Variants in GLRX observed in about 807,000 individuals in gnomAD.
GLRX encodes the protein glutaredoxin, also known as glutaredoxin-1.
In GLRX, 9 loss-of-function variants were observed where a neutral mutation model predicts 11.1. That is an observed-to-expected ratio of 0.81 (90% CI 0.49 to 1.42). The LOEUF is 1.42. GLRX is among the 40% of genes most tolerant of loss of function. The pLI is 0.00. For missense variants in GLRX, 102 were observed against 126.2 expected (o/e 0.81, Z 0.92); for synonymous variants, 49 against 49.5 (o/e 0.99, Z 0.04).
intron 1 of GLRX, 158 bp downstream of exon 1, chr5:95,822,298 G>A (rs886700635): frequency 1.6e-6 from 1 of 626,146 alleles, no homozygotes; most frequent in Non-Finnish European, 2.8e-6. Flanking sequence ...AAGTGACCGA[G>A]ATCCTCTCTA....
At position 95,822,356 on chromosome 5, in the gene GLRX, T is replaced by C. The variant is rs548086868; in HGVS notation, c.207+100A>G. 1.4e-3 allele frequency: 862 copies of C among 613,086 alleles called. 4 individuals are homozygous for C. Among genetic ancestry groups the C allele is most frequent in the Non-Finnish European group, 2.3e-3 (788 of 340,450 alleles). 38.0% of individuals were successfully genotyped at this position (613,086 alleles called of 1,614,324 possible). A position where few individuals can be genotyped will look rare whatever the true frequency, so the allele number is the denominator to read the frequency against. ...CGCCCCGCACAGCCCTCTGGACGCC[T>C]TGAAGTACGGAGCCGCAGCCTTATC... On this transcript the variant is annotated intron_variant, in intron 1 of 2. Coordinates refer to ENST00000237858, the MANE Select transcript of GLRX (RefSeq NM_001118890.2).
chr5:95,816,263 CTCA>C (rs1461570229), intron 2 of GLRX: 3 of 424,792 alleles, frequency 7.1e-6, no homozygotes, highest in African/African-American at 6.0e-5. Flanking sequence ...TCATTATATT[CTCA>C]TGTGTCTGGC....
At chr5:95,821,865 C>T (rs1747250545) in intron 1 of GLRX, among the ~76,000 whole-genome samples, 1 of 152,110 alleles carries the variant, frequency 6.6e-6, no homozygotes, top group South Asian at 2.1e-4. Context: ...CACAGCCAGC[C>T]ATTATAAGAG....
At chr5:95,821,689 C>T (rs950916774) in intron 1 of GLRX, among the ~76,000 whole-genome samples, 4 of 152,136 alleles carry the variant, frequency 2.6e-5, no homozygotes, top group East Asian at 3.8e-4. Context: ...AAGCCCAGGA[C>T]GCAAAGCCAA....
At position 95,814,096 on chromosome 5, in the gene GLRX, T is replaced by G. The variant is rs1262572028; in HGVS notation, c.*300A>C. The G allele has an allele frequency of 2.0e-5, 3 of 152,310 alleles. No individual in the cohort carries two copies. The allele number at this position is 152,310 out of a possible 1,614,324, so 9.4% of individuals were successfully genotyped here. A position where few individuals can be genotyped will look rare whatever the true frequency, so the allele number is the denominator to read the frequency against. On this transcript the variant is annotated 3_prime_UTR_variant, in exon 3 of 3. Coordinates refer to ENST00000237858, the MANE Select transcript of GLRX (RefSeq NM_001118890.2). ...CTTCATGATAAGGGATTCTTAAGTT[T>G]TCAAAGTGTAGGAGCTCTTTCACAG...
At position 95,816,651 on chromosome 5, in the gene GLRX, A is replaced by G. The variant is rs762680964; in HGVS notation, c.208-25T>C. 6.9e-6 allele frequency: 7 copies of G among 1,007,314 alleles called. No homozygotes were observed. The South Asian group carries it at 8.9e-5, about 13-fold the overall frequency. The allele number at this position is 1,007,314 out of a possible 1,614,324, so 62.4% of individuals were successfully genotyped here. A position where few individuals can be genotyped will look rare whatever the true frequency, so the allele number is the denominator to read the frequency against. On this transcript the variant is annotated intron_variant, in intron 1 of 2. Transcript: ENST00000237858. ...CCTAAAAAAGCACACGACCCAGGAC[A>G]TTACTACATTACTAGATTAGACAGA...
At chr5:95,816,409 TC>T (rs1561466115) in intron 2 of GLRX, 97 bp downstream of exon 2, 1 of 660,558 alleles carries the variant, frequency 1.5e-6, no homozygotes, top group Non-Finnish European at 2.8e-6. Context: ...AATCATTTCT[TC>T]CCCCAACCAG....
rs1383885258 is a variant in GLRX, at chr5:95,822,718, G to T, written c.-56C>A. 2.0e-6 allele frequency: 3 copies of T among 1,468,824 alleles called. No individual in the cohort carries two copies. Among genetic ancestry groups the T allele is most frequent in the Non-Finnish European group, 2.8e-6 (3 of 1,055,696 alleles). 91.0% of individuals were successfully genotyped at this position (1,468,824 alleles called of 1,614,324 possible). A position where few individuals can be genotyped will look rare whatever the true frequency, so the allele number is the denominator to read the frequency against. On this transcript the variant is annotated 5_prime_UTR_variant, in exon 1 of 3. Coordinates refer to ENST00000237858, the MANE Select transcript of GLRX (RefSeq NM_001118890.2). ...TCCTCAGTTGCAGGTATTGCTTGGG[G>T]TATTGAGCCCCGACCCAGCCAGTTG... is the stretch of plus-strand genomic sequence containing the variant.
In GLRX at chr5:95,822,697, C is replaced by T; in HGVS notation, c.-35G>A. On this transcript the variant is annotated 5_prime_UTR_variant, in exon 1 of 3. Coordinates refer to ENST00000237858, the MANE Select transcript of GLRX (RefSeq NM_001118890.2). ...CTGCGGTCTCCCCGGGAAGAATCCT[C>T]AGTTGCAGGTATTGCTTGGGGTATT... 1 of 1,574,096 alleles carries T rather than the reference C, an allele frequency of 6.4e-7. No individual in the cohort carries two copies. Among genetic ancestry groups the T allele is most frequent in the Non-Finnish European group, 8.7e-7 (1 of 1,145,124 alleles).
At position 95,813,879 on chromosome 5, in the gene GLRX, G is replaced by C. The variant is rs149469689; in HGVS notation, c.*517C>G. ...GCAGCACGTGTCTTTATTTATAATGGCAGGGCCAAATATAAACACAGTTTT... is the reference window on the plus strand; with the variant it reads ...GCAGCACGTGTCTTTATTTATAATGCCAGGGCCAAATATAAACACAGTTTT... On this transcript the variant is annotated 3_prime_UTR_variant, in exon 3 of 3. Coordinates refer to ENST00000237858, the MANE Select transcript of GLRX (RefSeq NM_001118890.2). 480 of 152,290 alleles carry C rather than the reference G, an allele frequency of 3.2e-3. 2 individuals carry two copies. The highest frequency in any genetic ancestry group is 0.011 in the African/African-American group (461 of 41,556). 9.4% of individuals were successfully genotyped at this position (152,290 alleles called of 1,614,324 possible).
chr5:95,821,804 T>A (rs1747248607), intron 1 of GLRX, among the ~76,000 whole-genome samples: 2 of 152,120 alleles, frequency 1.3e-5, no homozygotes, highest in Non-Finnish European at 2.9e-5. Context: ...TAATCTGGTC[T>A]TGCAGCTGGG....
intron 1 of GLRX, chr5:95,819,211 A>AT (rs1747123300): frequency 6.6e-6 from 1 of 152,128 alleles, no homozygotes; most frequent in Non-Finnish European, 1.5e-5. Flanking sequence ...AAAAGGCAGA[A>AT]TTTTTTCCCC....
chr5:95,818,890 G>A (rs756498342), intron 1 of GLRX: 1 of 152,300 alleles, frequency 6.6e-6, no homozygotes, highest in Non-Finnish European at 1.5e-5. Flanking sequence ...CAACTATACT[G>A]GCTTCCTTAC....
At position 95,814,125 on chromosome 5, in the gene GLRX, C is replaced by A. The variant is rs1015067160; in HGVS notation, c.*271G>T. 6.6e-6 allele frequency: 1 copy of A among 152,382 alleles called. No homozygotes were observed. Among genetic ancestry groups the A allele is most frequent in the Non-Finnish European group, 1.5e-5 (1 of 68,038 alleles). 9.4% of individuals were successfully genotyped at this position (152,382 alleles called of 1,614,324 possible). On this transcript the variant is annotated 3_prime_UTR_variant, in exon 3 of 3. Coordinates refer to ENST00000237858, the MANE Select transcript of GLRX (RefSeq NM_001118890.2). ...AAGTGTAGGAGCTCTTTCACAGATA[C>A]ACTCTTGGTGTAGGGGGCTGTAAGT...
At position 95,819,913 on chromosome 5, in the gene GLRX, A is replaced by AAAC. The variant is rs1554071334; in HGVS notation, c.207+2542_207+2543insGTT. 9.2e-3 allele frequency among the ~76,000 whole-genome samples: 1,389 copies of AAAC among 150,900 alleles called. 32 individuals carry two copies. Among genetic ancestry groups the AAAC allele is most frequent in the African/African-American group, 0.032 (1,310 of 40,822 alleles). ...ACTCCGTCTCAAAAAAAAAAAAAAA[A>AAAC]AAAAAAAAACCCTCGGGAGCTTTCA... On this transcript the variant is annotated intron_variant, in intron 1 of 2. Coordinates refer to ENST00000237858, the MANE Select transcript of GLRX (RefSeq NM_001118890.2).
chr5:95,816,223 A>C lies in GLRX; in HGVS notation c.*6+284T>G, dbSNP rs561709141. Among the ~76,000 whole-genome samples, 4 of 152,242 alleles carry C rather than the reference A, an allele frequency of 2.6e-5. No individual in the cohort carries two copies. In the East Asian group the frequency reaches 7.7e-4, roughly 29 times the overall value. On this transcript the variant is annotated intron_variant, in intron 2 of 2. Transcript: ENST00000237858. ...GTTTTTGATCTGTCTACCTCTCTAA[A>C]ATATAAGTTCCAGGTTATCATTTTA...
chr5:95,819,924 C>T (rs902273852), intron 1 of GLRX, among the ~76,000 whole-genome samples: 1 of 117,430 alleles, frequency 8.5e-6, no homozygotes, highest in African/African-American at 3.6e-5. Context: ...AAAAAAAAAC[C>T]CTCGGGAGCT....
At position 95,822,578 on chromosome 5, in the gene GLRX, C is replaced by A; in HGVS notation, c.85G>T (p.Ala29Ser). 1 of 1,613,798 alleles carries A rather than the reference C, an allele frequency of 6.2e-7. No homozygotes were observed. The highest frequency in any genetic ancestry group is 8.5e-7 in the Non-Finnish European group (1 of 1,179,742). The change falls in exon 1 of 3, where the codon GCC (alanine) becomes TCC (serine). Residue 29 changes from alanine (A) to serine (S), a missense_variant. Physicochemically the swap from Ala to Ser is moderately conservative, Grantham distance 99 (BLOSUM62 1). Transcript: ENST00000237858. ...GGCAATTGACTGAGGATCTCTTGGG[C>A]CCTCCTGCAGTACGGGCAGGTGGGC... ...IKPTCPYCRR[A>S]QEILSQLPIK... is the part of the protein sequence containing the mutation.
intron 1 of GLRX, among the ~76,000 whole-genome samples, chr5:95,820,461 C>T (rs1747189547): frequency 6.6e-6 from 1 of 150,910 alleles, no homozygotes; most frequent in South Asian, 2.1e-4. Flanking sequence ...CTCACACCTG[C>T]ACTTTGGGAG....
Sources: gnomAD v4.1 joint callset for allele counts (sites outside exome capture counted in the v4.1 genomes callset) on GRCh38, gnomAD v4.1.1 for gene constraint, MANE v1.5 for transcripts, NCBI Gene and HGNC (gene_info 2026-07-23, HGNC 2026-07-21) for gene names.